NEUROG1: variants seen among roughly 807,000 people sequenced by gnomAD.
NEUROG1 encodes neurogenin 1.
A neutral mutation model predicts 5.7 loss-of-function variants in NEUROG1; 5 were observed. That is an observed-to-expected ratio of 0.88 (90% CI 0.46 to 1.85). NEUROG1 has a LOEUF of 1.85. Among genes scored for constraint, NEUROG1 ranks in the 40% most tolerant of loss-of-function variants. The probability of loss-of-function intolerance (pLI) is 0.01; values close to 1 mark genes in which losing one functional copy is unlikely to be tolerated. For synonymous variants in NEUROG1, 196 were observed against 157.4 expected, an observed-to-expected ratio of 1.25 and a Z score of -1.84; for missense variants, 403 against 345.7, an observed-to-expected ratio of 1.17 and a Z score of -1.32.
At position 135,535,554 on chromosome 5, in the gene NEUROG1, G is replaced by T. The variant is rs779501533; in HGVS notation, c.137C>A (p.Ala46Glu). The T allele has an allele frequency of 6.4e-6, 10 of 1,572,632 alleles. No homozygotes were observed. In the Admixed American group the frequency reaches 7.2e-5, roughly 11 times the overall value. Residue 46 changes from alanine (A) to glutamate (E), a missense_variant, in exon 1 of 1, where the codon GCG (alanine) becomes GAG (glutamate). Transcript: ENST00000314744. Reference sequence around the variant, plus strand: ...ATTGGGCGCGCCCCTGCGGGCCGGCGCGGGCGGCCCCGAAGCGGAGGCTGC... The same window carrying T: ...ATTGGGCGCGCCCCTGCGGGCCGGCTCGGGCGGCCCCGAAGCGGAGGCTGC... Reference protein sequence around the residue: ...QQAASASGPPAPARRGAPNIS... With the variant: ...QQAASASGPPEPARRGAPNIS...
rs775367481 is a variant in NEUROG1, at chr5:135,535,583, T to C, written c.108A>G (p.Gln36=). ...GCGGCCCCGAAGCGGAGGCTGCCTG[T>C]TGGAGTCTGGCACAGTCTTCCTCGT... is the stretch of plus-strand genomic sequence containing the variant. The part of the protein sequence containing the change: ...LTDEEDCARL[Q]QAASASGPPA... The change falls in exon 1 of 1, where the codon CAA becomes CAG. Residue 36 remains glutamine (Q), a synonymous_variant. Transcript: ENST00000314744. The C allele has an allele frequency of 8.2e-6, 13 of 1,590,116 alleles. No homozygotes were observed. Among genetic ancestry groups the C allele is most frequent in the Non-Finnish European group, 1.1e-5 (13 of 1,174,614 alleles).
chr5:135,534,925 T>C lies in NEUROG1; in HGVS notation c.*52A>G. On this transcript the variant is annotated 3_prime_UTR_variant, in exon 1 of 1. Transcript: ENST00000314744. Reference sequence around the variant, plus strand: ...TCCCGAGGCGGCAGCTGGGGCCCCATCTATTGCCTGCTGACTAGGGGAGGG... The same window carrying C: ...TCCCGAGGCGGCAGCTGGGGCCCCACCTATTGCCTGCTGACTAGGGGAGGG... The C allele has an allele frequency of 6.4e-7, 1 of 1,567,892 alleles. No individual in the cohort carries two copies. The highest frequency in any genetic ancestry group is 1.2e-5 in the South Asian group (1 of 84,130).
Position 135,535,174 on chromosome 5 carries a change from G to A in NEUROG1, c.517C>T (p.Leu173=). The stretch of plus-strand genomic sequence containing the variant: ...CTGGCGGGGCTTGGGGGACCGGGCA[G>A]GCAGGGGACGCACTGCGGCGGCAGG... ...RLLPPQCVPC[L]PGPPSPASDA... The change falls in exon 1 of 1, where the codon CTG becomes TTG. Residue 173 remains leucine (L), a synonymous_variant. Transcript: ENST00000314744. 1 of 1,610,348 alleles carries A rather than the reference G, an allele frequency of 6.2e-7. No individual in the cohort carries two copies. The highest frequency in any genetic ancestry group is 8.5e-7 in the Non-Finnish European group (1 of 1,178,360).
Position 135,535,410 on chromosome 5 carries a change from C to A in NEUROG1, c.281G>T (p.Arg94Leu). Residue 94 changes from arginine to leucine, a missense_variant, in exon 1 of 1, where the codon CGC becomes CTC. Transcript: ENST00000314744. The stretch of plus-strand genomic sequence containing the variant: ...GCGCTCGCGATCGTTGGCCTTGACG[C>A]GCCGGCTCCTGCGCAGCGAGTGCAG... ...ALLHSLRRSR[R>L]VKANDRERNR... The A allele has an allele frequency of 6.2e-7, 1 of 1,603,624 alleles. No individual in the cohort carries two copies. The highest frequency in any genetic ancestry group is 8.5e-7 in the Non-Finnish European group (1 of 1,175,566).
rs1357838207 is a variant in NEUROG1, at chr5:135,534,875, T to A, written c.*102A>T. ...TCCCCGACTGCTTTAAAGCTCCCGCTTCCTCCCTCCGCCTGGAGAGGGGGT... is the reference window on the plus strand; with the variant it reads ...TCCCCGACTGCTTTAAAGCTCCCGCATCCTCCCTCCGCCTGGAGAGGGGGT... On this transcript the variant is annotated 3_prime_UTR_variant, in exon 1 of 1. Coordinates refer to ENST00000314744, the MANE Select transcript of NEUROG1 (RefSeq NM_006161.3). 8.9e-6 allele frequency: 11 copies of A among 1,240,176 alleles called. No individual in the cohort carries two copies. The highest frequency in any genetic ancestry group is 1.2e-5 in the Non-Finnish European group (11 of 895,784). The allele number at this position is 1,240,176 out of a possible 1,614,324, so 76.8% of individuals were successfully genotyped here.
chr5:135,535,193 C>T lies in NEUROG1; in HGVS notation c.498G>A (p.Pro166=), dbSNP rs1194293647. ...PGGGARERLL[P]PQCVPCLPGP... is the part of the protein sequence containing the mutation. ...CGGGCAGGCAGGGGACGCACTGCGGCGGCAGGAGGCGCTCCCGGGCACCGC... is the reference window on the plus strand; with the variant it reads ...CGGGCAGGCAGGGGACGCACTGCGGTGGCAGGAGGCGCTCCCGGGCACCGC... The change falls in exon 1 of 1, where the codon CCG becomes CCA. Residue 166 remains proline (P), a synonymous_variant. Coordinates refer to ENST00000314744, the MANE Select transcript of NEUROG1 (RefSeq NM_006161.3). The T allele has an allele frequency of 6.2e-7, 1 of 1,609,416 alleles. No individual in the cohort carries two copies. Among genetic ancestry groups the T allele is most frequent in the African/African-American group, 1.3e-5 (1 of 74,620 alleles).
chr5:135,535,945 G>A lies in NEUROG1; in HGVS notation c.-255C>T. 2.4e-6 allele frequency: 1 copy of A among 412,130 alleles called. No homozygotes were observed. The highest frequency in any genetic ancestry group is 4.3e-6 in the Non-Finnish European group (1 of 233,016). The allele number at this position is 412,130 out of a possible 1,614,324, so 25.5% of individuals were successfully genotyped here. A position where few individuals can be genotyped will look rare whatever the true frequency, so the allele number is the denominator to read the frequency against. On this transcript the variant is annotated 5_prime_UTR_variant, in exon 1 of 1. In the 5' UTR this introduces an upstream ATG that the reference lacks. Coordinates refer to ENST00000314744, the MANE Select transcript of NEUROG1 (RefSeq NM_006161.3). ...ATGTCGCCGGCGATCAGATCAGCTC[G>A]TGTGAGCACCGAGTGTGGCACACGA...
Position 135,535,521 on chromosome 5 carries a change from C to G in NEUROG1, c.170G>C (p.Arg57Pro). ...CTGTGCCCCTGGAACCTCAGACGCCCGGGAGATATTGGGCGCGCCCCTGCG... is the reference window on the plus strand; with the variant it reads ...CTGTGCCCCTGGAACCTCAGACGCCGGGGAGATATTGGGCGCGCCCCTGCG... Reference protein sequence around the residue: ...PARRGAPNISRASEVPGAQDD... With the variant: ...PARRGAPNISPASEVPGAQDD... The change falls in exon 1 of 1, where the codon CGG becomes CCG. Residue 57 changes from arginine (R) to proline (P), a missense_variant. Transcript: ENST00000314744. 3.2e-6 allele frequency: 5 copies of G among 1,575,170 alleles called. No individual in the cohort carries two copies. Among genetic ancestry groups the G allele is most frequent in the Non-Finnish European group, 4.3e-6 (5 of 1,167,538 alleles).
chr5:135,534,835 C>T lies in NEUROG1; in HGVS notation c.*142G>A. 3 of 806,114 alleles carry T rather than the reference C, an allele frequency of 3.7e-6. No homozygotes were observed. Among genetic ancestry groups the T allele is most frequent in the Non-Finnish European group, 5.8e-6 (3 of 521,706 alleles). The allele number at this position is 806,114 out of a possible 1,614,324, so 49.9% of individuals were successfully genotyped here. Reference sequence around the variant, plus strand: ...CCGCCGCGAGGGTGCGGCGACCTAACAAGCGGCTCAGGTATCCCCGACTGC... The same window carrying T: ...CCGCCGCGAGGGTGCGGCGACCTAATAAGCGGCTCAGGTATCCCCGACTGC... On this transcript the variant is annotated 3_prime_UTR_variant, in exon 1 of 1. Coordinates refer to ENST00000314744, the MANE Select transcript of NEUROG1 (RefSeq NM_006161.3).
chr5:135,535,848 G>T lies in NEUROG1; in HGVS notation c.-158C>A, dbSNP rs1459786639. ...TGCGAGAGCCTGGAAGGGTGCAGGG[G>T]CGCACGGAGAACTTGGCCTGGCCTC... On this transcript the variant is annotated 5_prime_UTR_variant, in exon 1 of 1. Coordinates refer to ENST00000314744, the MANE Select transcript of NEUROG1 (RefSeq NM_006161.3). The T allele has an allele frequency of 3.1e-6, 2 of 647,894 alleles. No homozygotes were observed. The highest frequency in any genetic ancestry group is 4.9e-6 in the Non-Finnish European group (2 of 409,498). 40.1% of individuals were successfully genotyped at this position (647,894 alleles called of 1,614,324 possible). A position where few individuals can be genotyped will look rare whatever the true frequency, so the allele number is the denominator to read the frequency against.
rs778565824 is a variant in NEUROG1 at position 135,535,278 on chromosome 5, T to C, written c.413A>G (p.Tyr138Cys). ...CTCGGCCAGAGCCCAGATGTAGTTG[T>C]AGGCGAAGCGCAGCGTCTCGATTTT... is the stretch of plus-strand genomic sequence containing the variant. ...LTKIETLRFA[Y>C]NYIWALAETL... The change falls in exon 1 of 1, where the codon TAC (tyrosine) becomes TGC (cysteine). Residue 138 changes from tyrosine (Y) to cysteine (C), a missense_variant. Coordinates refer to ENST00000314744, the MANE Select transcript of NEUROG1 (RefSeq NM_006161.3). 39 of 1,613,434 alleles carry C rather than the reference T, an allele frequency of 2.4e-5. No individual in the cohort carries two copies. Among genetic ancestry groups the C allele is most frequent in the Non-Finnish European group, 3.2e-5 (38 of 1,179,696 alleles).
chr5:135,535,519 C>A lies in NEUROG1; in HGVS notation c.172G>T (p.Ala58Ser). The change falls in exon 1 of 1, where the codon GCG becomes TCG. Residue 58 changes from alanine to serine, a missense_variant. Physicochemically the swap from Ala to Ser is moderately conservative, Grantham distance 99. Coordinates refer to ENST00000314744, the MANE Select transcript of NEUROG1 (RefSeq NM_006161.3). ...ARRGAPNISR[A>S]SEVPGAQDDE... The stretch of plus-strand genomic sequence containing the variant: ...TCCTGTGCCCCTGGAACCTCAGACG[C>A]CCGGGAGATATTGGGCGCGCCCCTG... 1 of 1,575,784 alleles carries A rather than the reference C, an allele frequency of 6.3e-7. No individual in the cohort carries two copies.
rs759256179 is a variant in NEUROG1 at position 135,535,045 on chromosome 5, C to T, written c.646G>A (p.Val216Ile). 3 of 1,614,030 alleles carry T rather than the reference C, an allele frequency of 1.9e-6. No individual in the cohort carries two copies. The highest frequency in any genetic ancestry group is 2.5e-6 in the Non-Finnish European group (3 of 1,179,976). ...TTGGGCAGGCTTGGGAAGGAGAAAA[C>T]AGGGTCGCCGGGGCGGTAGGTGAAG... is the stretch of plus-strand genomic sequence containing the variant. ...EDFTYRPGDPVFSFPSLPKDL... is the reference protein window; with the variant it reads ...EDFTYRPGDPIFSFPSLPKDL... The change falls in exon 1 of 1, where the codon GTT becomes ATT. Residue 216 changes from valine (V) to isoleucine (I), a missense_variant. Coordinates refer to ENST00000314744, the MANE Select transcript of NEUROG1 (RefSeq NM_006161.3).
Position 135,535,396 on chromosome 5 carries a change from C to T in NEUROG1, c.295G>A (p.Asp99Asn). The stretch of plus-strand genomic sequence containing the variant: ...TTGTGCATGCGGTTGCGCTCGCGAT[C>T]GTTGGCCTTGACGCGCCGGCTCCTG... Reference protein sequence around the residue: ...LRRSRRVKANDRERNRMHNLN... With the variant: ...LRRSRRVKANNRERNRMHNLN... Residue 99 changes from aspartate (D) to asparagine (N), a missense_variant, in exon 1 of 1, where the codon GAT becomes AAT. Coordinates refer to ENST00000314744, the MANE Select transcript of NEUROG1 (RefSeq NM_006161.3). The T allele has an allele frequency of 6.2e-7, 1 of 1,609,310 alleles. No individual in the cohort carries two copies. The highest frequency in any genetic ancestry group is 1.1e-5 in the South Asian group (1 of 90,450).
Position 135,535,103 on chromosome 5 carries a change from G to A in NEUROG1, c.588C>T (p.Leu196=). ...WGSGAAAASP[L]SDPSSPAASE... ...AGGCGGCTGGGCTACTGGGGTCAGA[G>A]AGCGGGGAGGCGGCGGCGGCACCTG... is the stretch of plus-strand genomic sequence containing the variant. Residue 196 remains leucine, a synonymous_variant, in exon 1 of 1, where the codon CTC becomes CTT. Coordinates refer to ENST00000314744, the MANE Select transcript of NEUROG1 (RefSeq NM_006161.3). 1 of 1,612,282 alleles carries A rather than the reference G, an allele frequency of 6.2e-7. No individual in the cohort carries two copies. Among genetic ancestry groups the A allele is most frequent in the Non-Finnish European group, 8.5e-7 (1 of 1,179,316 alleles).
In NEUROG1 at chr5:135,535,421, G is replaced by A. The variant is rs1271715845; in HGVS notation, c.270C>T (p.Arg90=). ...VRSEALLHSL[R]RSRRVKANDR... is the part of the protein sequence containing the mutation. ...CGTTGGCCTTGACGCGCCGGCTCCT[G>A]CGCAGCGAGTGCAGCAGCGCCTCGG... The change falls in exon 1 of 1, where the codon CGC becomes CGT. Residue 90 remains arginine, a synonymous_variant. Transcript: ENST00000314744. 1.3e-6 allele frequency: 2 copies of A among 1,597,888 alleles called. No homozygotes were observed. The highest frequency in any genetic ancestry group is 1.3e-5 in the African/African-American group (1 of 74,324).
rs1353066265 is a variant in NEUROG1, at chr5:135,535,639, T to C, written c.52A>G (p.Ser18Gly). The change falls in exon 1 of 1, where the codon AGC becomes GGC. Residue 18 changes from serine to glycine, a missense_variant. Coordinates refer to ENST00000314744, the MANE Select transcript of NEUROG1 (RefSeq NM_006161.3). ...CISDLDCASS[S>G]GSDLSGFLTD... is the part of the protein sequence containing the mutation. ...AGGAAGCCGGATAGGTCACTGCCGC[T>C]GCTGCTGGCGCAGTCGAGGTCGGAG... is the stretch of plus-strand genomic sequence containing the variant. 2 of 1,587,482 alleles carry C rather than the reference T, an allele frequency of 1.3e-6. No homozygotes were observed. The highest frequency in any genetic ancestry group is 2.8e-5 in the African/African-American group (2 of 72,428).
chr5:135,535,191 G>T lies in NEUROG1; in HGVS notation c.500C>A (p.Pro167Gln), dbSNP rs1300078489. The T allele has an allele frequency of 9.3e-6, 15 of 1,609,814 alleles. No homozygotes were observed. The highest frequency in any genetic ancestry group is 1.2e-5 in the Non-Finnish European group (14 of 1,178,416). ...ACCGGGCAGGCAGGGGACGCACTGC[G>T]GCGGCAGGAGGCGCTCCCGGGCACC... The part of the protein sequence containing the change: ...GGGARERLLP[P>Q]QCVPCLPGPP... The change falls in exon 1 of 1, where the codon CCG becomes CAG. Residue 167 changes from proline to glutamine, a missense_variant. By Grantham distance (76) the Pro-to-Gln change is moderately conservative. Transcript: ENST00000314744.
Position 135,534,700 on chromosome 5 carries a change from C to A in NEUROG1, c.*277G>T, listed in dbSNP as rs966398198. The A allele has an allele frequency of 1.3e-5, 6 of 451,308 alleles. No individual in the cohort carries two copies. The highest frequency in any genetic ancestry group is 4.0e-5 in the Admixed American group (1 of 24,776). The allele number at this position is 451,308 out of a possible 1,614,324, so 28.0% of individuals were successfully genotyped here. ...GTGGTGGCTGGGGTCAGTTCTGAGC[C>A]AGTCACAAAGGAGGTTTTGTGGAGT... On this transcript the variant is annotated 3_prime_UTR_variant, in exon 1 of 1. Transcript: ENST00000314744.
Sources: allele counts gnomAD v4.1 joint callset, GRCh38; gene constraint gnomAD v4.1.1; transcripts MANE v1.5; gene names NCBI Gene and HGNC (gene_info 2026-07-23, HGNC 2026-07-21).